The following DOK6 variants were observed in gnomAD, a reference collection of about 807,000 sequenced individuals.
DOK6 encodes the protein downstream of tyrosine kinase 6.
In DOK6, 22 loss-of-function variants were observed where a neutral mutation model predicts 44.0. The ratio of observed to expected loss-of-function variants is 0.50; its 90% CI spans 0.36 to 0.71. The LOEUF is 0.71. DOK6 is among the 30% of genes least tolerant of loss of function. The pLI is 0.00. For synonymous variants in DOK6, 166 were observed against 145.5 expected (o/e 1.14, Z -1.01); for missense variants, 340 against 416.4 (o/e 0.82, Z 1.60).
At chr18:69,814,949 A>T (rs540790961) in intron 7 of DOK6, among the ~76,000 whole-genome samples, 1 of 152,212 alleles carries the variant, frequency 6.6e-6, no homozygotes, top group Admixed American at 6.5e-5. Flanking sequence ...AAAAGGTAAG[A>T]TGGAGAGGTG....
At chr18:69,596,399 G>C (rs754347557) in intron 2 of DOK6, among the ~76,000 whole-genome samples, 31 of 152,062 alleles carry the variant, frequency 2.0e-4, no homozygotes, top group Admixed American at 8.5e-4. Flanking sequence ...CTCAAAGTAG[G>C]ATAAATGCAA....
intron 1 of DOK6, among the ~76,000 whole-genome samples, chr18:69,428,770 A>C (rs1398914295): frequency 6.6e-6 from 1 of 152,204 alleles, no homozygotes; most frequent in African/African-American, 2.4e-5. Flanking sequence ...AACTCTAATA[A>C]ATTTTTAAAA....
At chr18:69,638,231 T>C (rs967116477) in intron 3 of DOK6, among the ~76,000 whole-genome samples, 12 of 152,226 alleles carry the variant, frequency 7.9e-5, no homozygotes, top group African/African-American at 2.9e-4. Context: ...ATGACTGTGT[T>C]CTAATAAAAC....
chr18:69,834,403 C>T (rs62090543), intron 7 of DOK6, among the ~76,000 whole-genome samples: 16,630 of 151,346 alleles, frequency 0.11, 950 homozygotes, highest in Middle Eastern at 0.15. Context: ...AGATAAGTGA[C>T]GTTGGTTAAT....
intron 1 of DOK6, among the ~76,000 whole-genome samples, chr18:69,432,453 G>A (rs77182929): frequency 0.064 from 9,457 of 148,168 alleles, 308 homozygotes; most frequent in Middle Eastern, 0.12. Flanking sequence ...CAAAAAAAGA[G>A]AAAAAAGTTT....
At chr18:69,796,322 G>A (rs948858000) in intron 7 of DOK6, among the ~76,000 whole-genome samples, 1 of 152,100 alleles carries the variant, frequency 6.6e-6, no homozygotes, top group Non-Finnish European at 1.5e-5. Context: ...TGTTACCAAA[G>A]GTCTGTCTGC....
intron 2 of DOK6, among the ~76,000 whole-genome samples, chr18:69,565,549 A>C (rs1982957406): frequency 6.6e-6 from 1 of 150,504 alleles, no homozygotes; most frequent in African/African-American, 2.5e-5. Flanking sequence ...TTTTAAAAAT[A>C]TTTTAAATAT....
intron 1 of DOK6, among the ~76,000 whole-genome samples, chr18:69,412,274 A>G (rs1027668586): frequency 3.9e-5 from 6 of 152,088 alleles, no homozygotes; most frequent in Non-Finnish European, 8.8e-5. Context: ...AGAGTTGGCT[A>G]TGGCTTTTCC....
intron 1 of DOK6, among the ~76,000 whole-genome samples, chr18:69,412,368 G>A (rs1322983527): frequency 1.3e-5 from 2 of 152,076 alleles, no homozygotes; most frequent in South Asian, 4.2e-4. Flanking sequence ...TAGCACTATG[G>A]CTTGTGACAA....
At chr18:69,721,324 A>G (rs1362821301) in intron 5 of DOK6, 2 of 152,228 alleles carry the variant, frequency 1.3e-5, no homozygotes, top group African/African-American at 4.8e-5. Context: ...ATTTACCTGA[A>G]GAGCGAGAAT....
intron 1 of DOK6, among the ~76,000 whole-genome samples, chr18:69,528,134 G>T (rs113837058): frequency 0.016 from 2,233 of 143,500 alleles, 30 homozygotes; most frequent in Non-Finnish European, 0.021. Flanking sequence ...CTGCAGTTCG[G>T]CCTGGGTGAC....
chr18:69,406,111 T>C (rs1248782273), intron 1 of DOK6, among the ~76,000 whole-genome samples: 2 of 152,250 alleles, frequency 1.3e-5, no homozygotes, highest in East Asian at 3.8e-4. Context: ...TGCATATTCC[T>C]TACGCTGTGT....
chr18:69,411,339 A>G (rs1978305194), intron 1 of DOK6, among the ~76,000 whole-genome samples: 2 of 152,144 alleles, frequency 1.3e-5, no homozygotes, highest in Non-Finnish European at 2.9e-5. Flanking sequence ...TTGTCAAATT[A>G]ACAAAATTCC....
At chr18:69,562,821 G>A (rs535806263) in intron 1 of DOK6, among the ~76,000 whole-genome samples, 3 of 152,252 alleles carry the variant, frequency 2.0e-5, no homozygotes, top group East Asian at 3.9e-4. Context: ...AAACTAAAGA[G>A]CTTCTGCACA....
Position 69,739,111 on chromosome 18 carries a change from CCCTT to C in DOK6, c.738+13_738+16del. The C allele has an allele frequency of 6.2e-7, 1 of 1,613,498 alleles. No individual in the cohort carries two copies. Among genetic ancestry groups the C allele is most frequent in the East Asian group, 2.2e-5 (1 of 44,880 alleles). ...ATGGAACAGAAGGCCCGGGTAAGGC[CCCTT>C]CCTTGGTAACCTATCAGCTTGGAAA... On this transcript the variant is annotated intron_variant, in intron 6 of 7. Transcript: ENST00000382713.
intron 3 of DOK6, among the ~76,000 whole-genome samples, chr18:69,600,697 T>C (rs62089906): frequency 0.33 from 49,951 of 151,970 alleles, 8,670 homozygotes; most frequent in Middle Eastern, 0.51. Context: ...AAAGGTAATG[T>C]TTAATATTTA....
chr18:69,435,409 C>T (rs1014195537), intron 1 of DOK6, among the ~76,000 whole-genome samples: 2 of 152,216 alleles, frequency 1.3e-5, no homozygotes, highest in Non-Finnish European at 2.9e-5. Flanking sequence ...ATGCATTGAA[C>T]TGGTGGGTTG....
intron 1 of DOK6, among the ~76,000 whole-genome samples, chr18:69,536,942 A>G (rs1203580931): frequency 1.3e-5 from 2 of 150,712 alleles, no homozygotes; most frequent in African/African-American, 2.4e-5. Flanking sequence ...TACAGACACA[A>G]GAATGTTCAC....
At chr18:69,749,760 G>T (rs1979108492) in intron 6 of DOK6, among the ~76,000 whole-genome samples, 1 of 151,958 alleles carries the variant, frequency 6.6e-6, no homozygotes, top group African/African-American at 2.4e-5. Flanking sequence ...CCAACATGGT[G>T]AAACCCTGTC....
Sources: allele counts gnomAD v4.1 joint callset (sites outside exome capture counted in the v4.1 genomes callset), GRCh38; gene constraint gnomAD v4.1.1; transcripts MANE v1.5; gene names NCBI Gene and HGNC (gene_info 2026-07-23, HGNC 2026-07-21).